Variants in SLC24A3 observed in about 807,000 individuals in gnomAD.
SLC24A3 encodes the protein sodium/potassium/calcium exchanger 3.
In SLC24A3, 28 loss-of-function variants were observed where a neutral mutation model predicts 75.8. The observed-to-expected ratio is 0.37, with a 90% CI of 0.27 to 0.51. The LOEUF (loss-of-function observed/expected upper bound fraction) is 0.51, where lower values mean the gene tolerates loss of function less well. SLC24A3 is among the 20% of genes least tolerant of loss of function. The probability of loss-of-function intolerance (pLI) is 0.94; values close to 1 mark genes in which losing one functional copy is unlikely to be tolerated. For synonymous variants in SLC24A3, 372 were observed against 334.1 expected, an observed-to-expected ratio of 1.11 and a Z score of -1.24; for missense variants, 663 against 847.8, an observed-to-expected ratio of 0.78 and a Z score of 2.71.
intron 2 of SLC24A3, among the ~76,000 whole-genome samples, chr20:19,308,302 T>C (rs1984377916): frequency 6.6e-6 from 1 of 152,262 alleles, no homozygotes; most frequent in African/African-American, 2.4e-5. Context: ...GTTTCTTCAC[T>C]CTACAGCTGT....
At chr20:19,377,115 A>C (rs554651369) in intron 2 of SLC24A3, among the ~76,000 whole-genome samples, 1 of 152,062 alleles carries the variant, frequency 6.6e-6, no homozygotes, top group Non-Finnish European at 1.5e-5. Context: ...GAGTGTGTAC[A>C]TTTCCCCCAT....
chr20:19,529,513 C>T (rs566952412), intron 3 of SLC24A3, among the ~76,000 whole-genome samples: 127 of 152,312 alleles, frequency 8.3e-4, no homozygotes, highest in Admixed American at 2.2e-3. Flanking sequence ...AAGCATGGCC[C>T]TTGATCAGGC....
At chr20:19,379,927 T>C (rs13044883) in intron 2 of SLC24A3, among the ~76,000 whole-genome samples, 429 of 152,368 alleles carry the variant, frequency 2.8e-3, no homozygotes, top group African/African-American at 0.01. Flanking sequence ...GCTAGCATTG[T>C]CTATGCATTC....
At chr20:19,646,741 G>A (rs1340005327) in intron 6 of SLC24A3, among the ~76,000 whole-genome samples, 1 of 152,080 alleles carries the variant, frequency 6.6e-6, no homozygotes, top group African/African-American at 2.4e-5. Context: ...CTTACCTCCA[G>A]GGGAACACTA....
At chr20:19,504,284 C>CTA (rs897341047) in intron 2 of SLC24A3, among the ~76,000 whole-genome samples, 33 of 152,296 alleles carry the variant, frequency 2.2e-4, no homozygotes, top group African/African-American at 7.2e-4. Context: ...ATCCTCCCAT[C>CTA]TATAGACCAA....
At chr20:19,682,461 C>T (rs2032626181) in intron 10 of SLC24A3, among the ~76,000 whole-genome samples, 1 of 152,138 alleles carries the variant, frequency 6.6e-6, no homozygotes, top group African/African-American at 2.4e-5. Context: ...GGAGCCATCT[C>T]ATACCTGGTA....
chr20:19,479,294 C>G (rs534590399), intron 2 of SLC24A3, among the ~76,000 whole-genome samples: 238 of 152,358 alleles, frequency 1.6e-3, no homozygotes, highest in Non-Finnish European at 2.6e-3. Context: ...TGCCCATCTT[C>G]CACTTTACCC....
At chr20:19,402,479 G>A (rs934349453) in intron 2 of SLC24A3, among the ~76,000 whole-genome samples, 10 of 152,146 alleles carry the variant, frequency 6.6e-5, no homozygotes, top group African/African-American at 1.9e-4. Context: ...TGTAGTTAGG[G>A]CACATTGGAA....
chr20:19,519,677 G>A (rs757255147), intron 3 of SLC24A3, among the ~76,000 whole-genome samples: 5 of 152,214 alleles, frequency 3.3e-5, no homozygotes, highest in Non-Finnish European at 4.4e-5. Context: ...TTTCCTGTCT[G>A]TGAGGAAATT....
At chr20:19,696,607 TC>T (rs2032808907) in intron 13 of SLC24A3, 189 bp from the exon 14 acceptor site, 2 of 484,466 alleles carry the variant, frequency 4.1e-6, no homozygotes, top group Non-Finnish European at 7.4e-6. Context: ...TACAGCACCG[TC>T]CCCTGACCTG....
intron 3 of SLC24A3, among the ~76,000 whole-genome samples, chr20:19,548,811 T>A (rs575999429): frequency 3.3e-5 from 5 of 152,236 alleles, no homozygotes; most frequent in Non-Finnish European, 4.4e-5. Context: ...TGCATTTGAA[T>A]AACACCAAGG....
intron 1 of SLC24A3, among the ~76,000 whole-genome samples, chr20:19,266,211 C>T (rs919796958): frequency 6.6e-6 from 1 of 152,138 alleles, no homozygotes; most frequent in Admixed American, 6.5e-5. Context: ...AAGAATCATA[C>T]ATAGATAACT....
chr20:19,693,106 A>G, intron 12 of SLC24A3, 153 bp from the exon 13 acceptor site: 1 of 840,208 alleles, frequency 1.2e-6, no homozygotes, highest in South Asian at 2.5e-5. Context: ...TTGGTGATGG[A>G]AAGTCATTTG....
intron 2 of SLC24A3, among the ~76,000 whole-genome samples, chr20:19,308,321 C>T (rs1984378047): frequency 6.6e-6 from 1 of 152,216 alleles, no homozygotes; most frequent in Non-Finnish European, 1.5e-5. Context: ...GTAAAGATTG[C>T]TCAAATGGAC....
chr20:19,578,122 G>A (rs561466247), intron 3 of SLC24A3, among the ~76,000 whole-genome samples: 27 of 152,300 alleles, frequency 1.8e-4, no homozygotes, highest in African/African-American at 6.5e-4. Context: ...TTGCCACAGA[G>A]GCTTCATGAA....
At chr20:19,307,296 C>T (rs971174544) in intron 2 of SLC24A3, among the ~76,000 whole-genome samples, 1 of 152,158 alleles carries the variant, frequency 6.6e-6, no homozygotes. Context: ...GGTCACCCCC[C>T]TTTGAATCCT....
At chr20:19,352,834 T>C (rs1294467882) in intron 2 of SLC24A3, among the ~76,000 whole-genome samples, 8 of 152,232 alleles carry the variant, frequency 5.3e-5, no homozygotes, top group Non-Finnish European at 8.8e-5. Context: ...TATTGTCATG[T>C]GTCTTGTACC....
At chr20:19,548,140 G>A (rs773454690) in intron 3 of SLC24A3, among the ~76,000 whole-genome samples, 9 of 152,218 alleles carry the variant, frequency 5.9e-5, no homozygotes, top group Non-Finnish European at 1.3e-4. Context: ...AAGCAAGGCT[G>A]ATGTTCCGCG....
intron 2 of SLC24A3, among the ~76,000 whole-genome samples, chr20:19,376,786 C>T (rs1986090435): frequency 6.6e-6 from 1 of 152,132 alleles, no homozygotes; most frequent in Admixed American, 6.5e-5. Flanking sequence ...ACAGAGGACC[C>T]TGTGTTCCTA....
Sources: gnomAD v4.1 joint callset for allele counts (sites outside exome capture counted in the v4.1 genomes callset) on GRCh38, gnomAD v4.1.1 for gene constraint, MANE v1.5 for transcripts, NCBI Gene and HGNC (gene_info 2026-07-23, HGNC 2026-07-21) for gene names.